The following RGS22 variants were observed in gnomAD, a reference collection of about 807,000 sequenced individuals.
The protein encoded by RGS22 is regulator of G-protein signaling 22.
In RGS22, 148 loss-of-function variants were observed where a neutral mutation model predicts 172.9. The observed-to-expected ratio is 0.86, with a 90% confidence interval of 0.75 to 0.98. The LOEUF is 0.98. Among genes scored for constraint, RGS22 ranks in the 50% least tolerant of loss-of-function variants. RGS22 has a pLI of 0.00. For synonymous variants in RGS22, 458 were observed against 480.2 expected, an observed-to-expected ratio of 0.95 and a Z score of 0.60; for missense variants, 1,347 against 1,440.8, an observed-to-expected ratio of 0.93 and a Z score of 1.05.
chr8:100,080,600 CT>C (rs1185261258), intron 3 of RGS22: 1 of 426,232 alleles, frequency 2.3e-6, no homozygotes, highest in Non-Finnish European at 4.2e-6. Context: ...CAGAAATTCC[CT>C]TTGTATAAAC....
intron 10 of RGS22, among the ~76,000 whole-genome samples, chr8:100,048,203 G>A (rs1302656553): frequency 2.6e-5 from 4 of 151,998 alleles, no homozygotes; most frequent in African/African-American, 9.7e-5. Context: ...AATGGAGAAT[G>A]GGATATACAT....
chr8:100,078,005 G>A (rs556718021), intron 4 of RGS22, among the ~76,000 whole-genome samples: 3 of 152,152 alleles, frequency 2.0e-5, no homozygotes, highest in African/African-American at 7.2e-5. Context: ...TCCTTGTTCT[G>A]AGGGGTGCTT....
intron 19 of RGS22, 151 bp from the exon 20 acceptor site, chr8:99,996,681 A>G (rs1814431069): frequency 4.4e-6 from 3 of 680,976 alleles, no homozygotes; most frequent in Non-Finnish European, 7.3e-6. Context: ...TAAAAATGGA[A>G]GCCCTGTGGT....
chr8:99,976,455 G>A (rs966546676), intron 23 of RGS22, among the ~76,000 whole-genome samples: 7 of 152,004 alleles, frequency 4.6e-5, no homozygotes, highest in East Asian at 1.9e-4. Context: ...TCCGCCTCCC[G>A]GGTTCACGCC....
At chr8:100,062,494 ATGT>A in intron 9 of RGS22, 94 bp downstream of exon 9, 1 of 758,618 alleles carries the variant, frequency 1.3e-6, no homozygotes, top group South Asian at 1.8e-5. Flanking sequence ...TTGTCATTTT[ATGT>A]TTCCATAAGT....
At chr8:100,099,680 C>A (rs1813308666) in intron 2 of RGS22, among the ~76,000 whole-genome samples, 1 of 152,192 alleles carries the variant, frequency 6.6e-6, no homozygotes, top group South Asian at 2.1e-4. Flanking sequence ...AAAAAAGCAT[C>A]AGAGAATTTG....
At chr8:100,060,117 T>C (rs544623328) in intron 9 of RGS22, among the ~76,000 whole-genome samples, 8 of 152,218 alleles carry the variant, frequency 5.3e-5, no homozygotes, top group Non-Finnish European at 1.0e-4. Flanking sequence ...CATGGAACAA[T>C]TCACCGATCT....
At position 100,053,109 on chromosome 8, in the gene RGS22, CTTT is replaced by C. The variant is rs1426870261; in HGVS notation, c.1515-136_1515-134del. 4 of 764,882 alleles carry C rather than the reference CTTT, an allele frequency of 5.2e-6. No homozygotes were observed. In the African/African-American group the frequency reaches 7.0e-5, roughly 13 times the overall value. The allele number at this position is 764,882 out of a possible 1,614,324, so 47.4% of individuals were successfully genotyped here. ...ACCTCTTTTCTAACAACTTTTACTT[CTTT>C]CTCTACTACATAGCCTTGAAAAAAT... is the stretch of plus-strand genomic sequence containing the variant. On this transcript the variant is annotated intron_variant, in intron 9 of 27. Coordinates refer to ENST00000360863, the MANE Select transcript of RGS22 (RefSeq NM_015668.5).
chr8:100,081,927 T>A (rs1368370483), intron 3 of RGS22, among the ~76,000 whole-genome samples: 1 of 148,542 alleles, frequency 6.7e-6, no homozygotes, highest in Non-Finnish European at 1.5e-5. Context: ...TTTTTTTTTT[T>A]GCCTCCTACC....
At chr8:99,999,522 G>T (rs1056044430) in intron 18 of RGS22, 102 bp from the exon 19 acceptor site, 28 of 1,205,412 alleles carry the variant, frequency 2.3e-5, no homozygotes, top group Non-Finnish European at 2.9e-5. Context: ...GCTGCACCCT[G>T]AGGGGTGCCA....
chr8:99,979,366 C>T (rs1175871455), intron 22 of RGS22, among the ~76,000 whole-genome samples: 1 of 152,126 alleles, frequency 6.6e-6, no homozygotes, highest in East Asian at 1.9e-4. Context: ...CATAAAACTA[C>T]TCTATTGTTA....
chr8:100,097,336 AAACT>A lies in RGS22; in HGVS notation c.55-3831_55-3828del, dbSNP rs569086906. Among the ~76,000 whole-genome samples, 7 of 152,352 alleles carry A rather than the reference AAACT, an allele frequency of 4.6e-5. No individual in the cohort carries two copies. In the East Asian group the frequency reaches 1.3e-3, roughly 29 times the overall value. On this transcript the variant is annotated intron_variant, in intron 2 of 27. Coordinates refer to ENST00000360863, the MANE Select transcript of RGS22 (RefSeq NM_015668.5). The stretch of plus-strand genomic sequence containing the variant: ...AATTGTGCATCAACAAAAGAATCAT[AAACT>A]AATATTGAATATTATTAATAGTTCA...
intron 14 of RGS22, among the ~76,000 whole-genome samples, chr8:100,032,188 G>A (rs1041133319): frequency 6.6e-6 from 1 of 152,114 alleles, no homozygotes; most frequent in Admixed American, 6.6e-5. Context: ...AAATGTAAAT[G>A]GGCTAAATGC....
chr8:99,963,014 G>A, intron 24 of RGS22, 36 bp from the exon 25 acceptor site: 1 of 1,498,662 alleles, frequency 6.7e-7, no homozygotes, highest in Non-Finnish European at 8.9e-7. Flanking sequence ...ATTCTGAAAT[G>A]TTTGCTTTAG....
Position 100,080,454 on chromosome 8 carries a change from C to G in RGS22, c.118-99G>C, listed in dbSNP as rs1563711415. On this transcript the variant is annotated intron_variant, in intron 3 of 27. Coordinates refer to ENST00000360863, the MANE Select transcript of RGS22 (RefSeq NM_015668.5). ...TTTACATACATGCATGCATACCTCA[C>G]AGAGTTCTGTGTTTGTAATCATTCC... 8 of 783,698 alleles carry G rather than the reference C, an allele frequency of 1.0e-5. No individual in the cohort carries two copies. The East Asian group carries it at 2.1e-4, about 21-fold the overall frequency. The allele number at this position is 783,698 out of a possible 1,614,324, so 48.5% of individuals were successfully genotyped here. A position where few individuals can be genotyped will look rare whatever the true frequency, so the allele number is the denominator to read the frequency against.
Position 100,039,001 on chromosome 8 carries a change from T to C in RGS22, c.2096A>G (p.Asp699Gly). ...GAAAAGCTGATGATAAGCCTGCAGG[T>C]CAAACCAAAAGTACACACTGTTCTT... is the stretch of plus-strand genomic sequence containing the variant. ...LWKNSVYFWF[D>G]LQAYHQLFYQ... The change falls in exon 14 of 28, where the codon GAC becomes GGC. Residue 699 changes from aspartate (D) to glycine (G), a missense_variant. Transcript: ENST00000360863. 6.2e-7 allele frequency: 1 copy of C among 1,612,158 alleles called. No individual in the cohort carries two copies. Among genetic ancestry groups the C allele is most frequent in the Non-Finnish European group, 8.5e-7 (1 of 1,178,850 alleles).
intron 23 of RGS22, among the ~76,000 whole-genome samples, chr8:99,967,352 C>T (rs1344231502): frequency 6.6e-6 from 1 of 151,718 alleles, no homozygotes; most frequent in Non-Finnish European, 1.5e-5. Context: ...TTTTGTACCC[C>T]AGTGGAGCCT....
At position 100,040,088 on chromosome 8, in the gene RGS22, C is replaced by T. The variant is rs1458158877; in HGVS notation, c.1939-1G>A. ...CACCAACATCTGACACGGTTTTAAC[C>T]TAGATAACAAAACAGAAGTCTATTA... On this transcript the variant is annotated splice_acceptor_variant, in intron 12 of 27. Transcript: ENST00000360863. LOFTEE classifies it high-confidence loss of function. 1 of 1,606,464 alleles carries T rather than the reference C, an allele frequency of 6.2e-7. No homozygotes were observed. Among genetic ancestry groups the T allele is most frequent in the Non-Finnish European group, 8.5e-7 (1 of 1,177,900 alleles).
intron 16 of RGS22, among the ~76,000 whole-genome samples, chr8:100,005,089 T>C (rs543326830): frequency 6.6e-6 from 1 of 152,176 alleles, no homozygotes; most frequent in East Asian, 1.9e-4. Flanking sequence ...GTTTAGTTCA[T>C]AGAGTTTACA....
Sources: allele counts gnomAD v4.1 joint callset (sites outside exome capture counted in the v4.1 genomes callset), GRCh38; gene constraint gnomAD v4.1.1; transcripts MANE v1.5; gene names NCBI Gene and HGNC (gene_info 2026-07-23, HGNC 2026-07-21).